The following CENPW variants were observed in gnomAD, a reference collection of about 807,000 sequenced individuals.
The protein encoded by CENPW is cancer-up-regulated gene 2 protein.
A neutral mutation model predicts 11.1 loss-of-function variants in CENPW; 3 were observed. The observed-to-expected ratio is 0.27, with a 90% CI of 0.12 to 0.70. The LOEUF is 0.70. Among genes scored for constraint, CENPW ranks in the 30% least tolerant of loss-of-function variants. The probability of loss-of-function intolerance (pLI) is 0.77; values close to 1 mark genes in which losing one functional copy is unlikely to be tolerated. For missense variants in CENPW, 100 were observed against 105.6 expected, an observed-to-expected ratio of 0.95 and a Z score of 0.23; for synonymous variants, 38 against 42.0, an observed-to-expected ratio of 0.91 and a Z score of 0.37.
the CENPW span, among the ~76,000 whole-genome samples, chr6:126,390,797 G>A: frequency 6.6e-6 from 1 of 151,792 alleles, no homozygotes; most frequent in African/African-American, 2.4e-5. Flanking sequence ...CACAAATGAC[G>A]TGATCTTATT....
the CENPW span, among the ~76,000 whole-genome samples, chr6:126,377,558 GT>G: frequency 6.6e-6 from 1 of 152,192 alleles, no homozygotes; most frequent in Non-Finnish European, 1.5e-5. Flanking sequence ...GAAGGTGATA[GT>G]TAAATGCCTT....
At chr6:126,407,243 G>A in the CENPW span, among the ~76,000 whole-genome samples, 20 of 152,016 alleles carry the variant, frequency 1.3e-4, no homozygotes, top group Non-Finnish European at 2.2e-4. Flanking sequence ...CTCCATCCAC[G>A]CCCCTGCAAA....
the CENPW span, among the ~76,000 whole-genome samples, chr6:126,466,399 C>A: frequency 2.0e-5 from 3 of 152,146 alleles, no homozygotes; most frequent in Non-Finnish European, 4.4e-5. Flanking sequence ...ACTTCTGATA[C>A]CGCTCTATAT....
At chr6:126,482,572 T>C in the CENPW span, among the ~76,000 whole-genome samples, 1 of 152,018 alleles carries the variant, frequency 6.6e-6, no homozygotes, top group East Asian at 1.9e-4. Flanking sequence ...TATTTTTATA[T>C]GGATAGCCAA....
chr6:126,437,125 G>A, the CENPW span, among the ~76,000 whole-genome samples: 1 of 151,590 alleles, frequency 6.6e-6, no homozygotes, highest in Non-Finnish European at 1.5e-5. Context: ...ACAACAGAAA[G>A]AGGTCTGTAG....
At chr6:126,430,794 A>T in the CENPW span, among the ~76,000 whole-genome samples, 1 of 151,986 alleles carries the variant, frequency 6.6e-6, no homozygotes, top group African/African-American at 2.4e-5. Context: ...TACTTAAAAC[A>T]AAAATTAGCC....
At chr6:126,413,969 G>A in the CENPW span, among the ~76,000 whole-genome samples, 5 of 151,672 alleles carry the variant, frequency 3.3e-5, no homozygotes, top group African/African-American at 7.3e-5. Flanking sequence ...GTGAAAAATC[G>A]TAAAAAATAT....
the CENPW span, among the ~76,000 whole-genome samples, chr6:126,447,876 C>T: frequency 6.6e-6 from 1 of 151,288 alleles, no homozygotes; most frequent in Non-Finnish European, 1.5e-5. Context: ...TTTACAACCA[C>T]CTCTTATCTC....
chr6:126,402,312 C>T, the CENPW span, among the ~76,000 whole-genome samples: 2 of 151,230 alleles, frequency 1.3e-5, no homozygotes, highest in South Asian at 2.1e-4. Context: ...TCTCCCTTCT[C>T]TCTCCTCCCT....
the CENPW span, among the ~76,000 whole-genome samples, chr6:126,457,319 C>T: frequency 6.6e-6 from 1 of 151,396 alleles, no homozygotes; most frequent in African/African-American, 2.4e-5. Flanking sequence ...CCTTAATGCC[C>T]ACCAATAGTA....
At chr6:126,359,343 G>A in the CENPW span, among the ~76,000 whole-genome samples, 74,537 of 151,220 alleles carry the variant, frequency 0.49, 19,450 homozygotes, top group East Asian at 0.97. Context: ...TTATGACAGC[G>A]TGTGGCCGAT....
chr6:126,404,692 T>G, the CENPW span, among the ~76,000 whole-genome samples: 1 of 152,074 alleles, frequency 6.6e-6, no homozygotes, highest in East Asian at 1.9e-4. Context: ...GTCCTTTTGA[T>G]AATAGCCGTT....
chr6:126,374,686 T>C, the CENPW span, among the ~76,000 whole-genome samples: 1 of 152,178 alleles, frequency 6.6e-6, no homozygotes, highest in African/African-American at 2.4e-5. Flanking sequence ...GAAGTAAAAG[T>C]CTAGAGTGAA....
At chr6:126,405,181 G>A in the CENPW span, among the ~76,000 whole-genome samples, 1 of 152,060 alleles carries the variant, frequency 6.6e-6, no homozygotes, top group Non-Finnish European at 1.5e-5. Context: ...TTTGTATATT[G>A]TGAAAGATTG....
the CENPW span, among the ~76,000 whole-genome samples, chr6:126,479,451 A>T: frequency 2.0e-5 from 3 of 151,908 alleles, no homozygotes; most frequent in African/African-American, 7.2e-5. Flanking sequence ...TCCCCCTCCC[A>T]GCAGTAGACC....
At chr6:126,356,574 C>A in the CENPW span, among the ~76,000 whole-genome samples, 1 of 152,136 alleles carries the variant, frequency 6.6e-6, no homozygotes, top group African/African-American at 2.4e-5. Context: ...TAAGCATTCC[C>A]TTTTCTTTGC....
chr6:126,378,372 C>T, the CENPW span, among the ~76,000 whole-genome samples: 14 of 151,918 alleles, frequency 9.2e-5, 2 homozygotes, highest in Admixed American at 5.9e-4. Context: ...TGTTATAGTA[C>T]CATAAAACCA....
the CENPW span, among the ~76,000 whole-genome samples, chr6:126,422,965 G>A: frequency 2.6e-4 from 39 of 152,240 alleles, no homozygotes; most frequent in African/African-American, 9.1e-4. Context: ...CAAGGTTCCT[G>A]GAGAATCTTT....
the CENPW span, among the ~76,000 whole-genome samples, chr6:126,383,468 G>T: frequency 2.4e-4 from 37 of 151,996 alleles, no homozygotes; most frequent in African/African-American, 8.9e-4. Context: ...CACTTGAAAG[G>T]CACAGAGTAG....
Sources: gnomAD v4.1 joint callset for allele counts (sites outside exome capture counted in the v4.1 genomes callset) on GRCh38, gnomAD v4.1.1 for gene constraint, MANE v1.5 for transcripts, NCBI Gene and HGNC (gene_info 2026-07-23, HGNC 2026-07-21) for gene names.